BNC2: variants seen among roughly 807,000 people sequenced by gnomAD.
BNC2 encodes the protein basonuclin zinc finger protein 2.
Under a neutral mutation model 76.3 loss-of-function variants are expected in BNC2, and 20 were observed. The observed-to-expected ratio is 0.26, with a 90% CI of 0.18 to 0.38. BNC2 has a LOEUF of 0.38. BNC2 is among the 10% of genes least tolerant of loss of function. The pLI is 1.00. For synonymous variants in BNC2, 582 were observed against 514.8 expected (o/e 1.13, Z -1.77); for missense variants, 1,382 against 1,399.8 (o/e 0.99, Z 0.20).
chr9:16,870,560 C>T, intron 1 of BNC2, 86 bp downstream of exon 1: 1 of 1,516,224 alleles, frequency 6.6e-7, no homozygotes, highest in South Asian at 1.2e-5. Flanking sequence ...GACACGGCCC[C>T]CGGGCGGCCC....
chr9:16,498,073 T>G lies in BNC2; in HGVS notation c.669+54457A>C, dbSNP rs192752227. Among the ~76,000 whole-genome samples, 39 of 147,880 alleles carry G rather than the reference T, an allele frequency of 2.6e-4. No homozygotes were observed. The East Asian group carries it at 3.8e-3, about 14-fold the overall frequency. ...TATATATTCCATCATATATATATAT[T>G]CTATCATATATATATTCCATCATAT... On this transcript the variant is annotated intron_variant, in intron 5 of 6. Transcript: ENST00000380672.
chr9:16,624,719 A>T (rs1341313581), intron 3 of BNC2, among the ~76,000 whole-genome samples: 1 of 152,232 alleles, frequency 6.6e-6, no homozygotes, highest in Non-Finnish European at 1.5e-5. Flanking sequence ...TAAAAAGTTG[A>T]TCCAAATGGA....
intron 5 of BNC2, among the ~76,000 whole-genome samples, chr9:16,469,417 TC>T (rs1295815151): frequency 1.3e-5 from 2 of 152,234 alleles, no homozygotes; most frequent in Admixed American, 6.5e-5. Flanking sequence ...TTTTGCTTCT[TC>T]CTCATTTTTT....
chr9:16,845,610 AC>A (rs971678159), intron 1 of BNC2, among the ~76,000 whole-genome samples: 5 of 152,120 alleles, frequency 3.3e-5, no homozygotes, highest in African/African-American at 1.2e-4. Context: ...AGTCCCAGCT[AC>A]TTGGGAGGCC....
intron 5 of BNC2, among the ~76,000 whole-genome samples, chr9:16,454,251 C>A (rs1411075022): frequency 6.6e-6 from 1 of 152,100 alleles, no homozygotes; most frequent in Non-Finnish European, 1.5e-5. Flanking sequence ...CATCTTTCTA[C>A]CCCTAGAGCA....
intron 3 of BNC2, among the ~76,000 whole-genome samples, chr9:16,594,569 G>A (rs1156396779): frequency 6.6e-6 from 1 of 152,122 alleles, no homozygotes; most frequent in Admixed American, 6.6e-5. Context: ...GAGAAAAGTT[G>A]TTACGTTTTA....
intron 1 of BNC2, among the ~76,000 whole-genome samples, chr9:16,823,826 T>C (rs1818395293): frequency 6.6e-6 from 1 of 152,132 alleles, no homozygotes; most frequent in Non-Finnish European, 1.5e-5. Flanking sequence ...AATAAAAACA[T>C]TCACTGACTT....
chr9:16,832,355 G>A, intron 1 of BNC2: 2 of 1,242,956 alleles, frequency 1.6e-6, no homozygotes, highest in Non-Finnish European at 2.1e-6. Context: ...GGCAATCTGT[G>A]AAACAGAACA....
chr9:16,751,662 G>GTGTGTA (rs1563926963), intron 1 of BNC2, among the ~76,000 whole-genome samples: 1 of 83,178 alleles, frequency 1.2e-5, no homozygotes, highest in African/African-American at 2.9e-5. Context: ...ATATATATAT[G>GTGTGTA]TATGTATGTG....
At chr9:16,614,378 A>T (rs548299114) in intron 3 of BNC2, among the ~76,000 whole-genome samples, 33 of 152,172 alleles carry the variant, frequency 2.2e-4, no homozygotes, top group African/African-American at 7.7e-4. Flanking sequence ...CAACACATGT[A>T]TGCTTCAAAA....
intron 3 of BNC2, among the ~76,000 whole-genome samples, chr9:16,683,463 C>A (rs999236131): frequency 1.3e-5 from 2 of 152,174 alleles, no homozygotes; most frequent in Admixed American, 1.3e-4. Context: ...AGCAAAACCT[C>A]TAGTGATGAT....
chr9:16,625,615 TA>T (rs1447064298), intron 3 of BNC2: 5 of 152,138 alleles, frequency 3.3e-5, no homozygotes, highest in Non-Finnish European at 7.4e-5. Flanking sequence ...GCCGGCTTAT[TA>T]AACTTCATAC....
intron 4 of BNC2, among the ~76,000 whole-genome samples, chr9:16,567,399 A>T (rs145494443): frequency 6.6e-6 from 1 of 152,222 alleles, no homozygotes; most frequent in African/African-American, 2.4e-5. Flanking sequence ...TCAAATGTAT[A>T]AAATAGTGCT....
intron 5 of BNC2, among the ~76,000 whole-genome samples, chr9:16,521,977 C>T (rs1189522364): frequency 1.3e-5 from 2 of 152,216 alleles, no homozygotes; most frequent in African/African-American, 2.4e-5. Flanking sequence ...GGCACTCACT[C>T]ATTATATAAA....
At chr9:16,759,399 G>A (rs907623642) in intron 1 of BNC2, among the ~76,000 whole-genome samples, 1 of 152,094 alleles carries the variant, frequency 6.6e-6, no homozygotes, top group African/African-American at 2.4e-5. Flanking sequence ...GATTTCAGGA[G>A]GAGGAAAACC....
chr9:16,778,294 AAAGG>A (rs1455438077), intron 1 of BNC2, among the ~76,000 whole-genome samples: 2 of 152,344 alleles, frequency 1.3e-5, no homozygotes, highest in East Asian at 3.9e-4. Context: ...GCAGAGACCC[AAAGG>A]AGTGCTGCTG....
chr9:16,548,567 G>A (rs553731953), intron 5 of BNC2, among the ~76,000 whole-genome samples: 82 of 152,098 alleles, frequency 5.4e-4, no homozygotes, highest in African/African-American at 2.0e-3. Flanking sequence ...CACCATACCC[G>A]GCTAATTTTT....
rs549299568 is a variant in BNC2, at chr9:16,516,576, C to A, written c.669+35954G>T. The stretch of plus-strand genomic sequence containing the variant: ...AACTCAAAGAGTCTTTATTTCTATC[C>A]CAAAGCGGGTTCTTTCTAGTACACA... On this transcript the variant is annotated intron_variant, in intron 5 of 6. Coordinates refer to ENST00000380672, the MANE Select transcript of BNC2 (RefSeq NM_017637.6). Among the ~76,000 whole-genome samples the A allele has an allele frequency of 4.6e-5, 7 of 152,182 alleles. No homozygotes were observed. The East Asian group carries it at 1.4e-3, about 29-fold the overall frequency.
At chr9:16,686,705 C>T (rs1822988384) in intron 3 of BNC2, among the ~76,000 whole-genome samples, 1 of 152,134 alleles carries the variant, frequency 6.6e-6, no homozygotes, top group Non-Finnish European at 1.5e-5. Flanking sequence ...AGGTGCTTCC[C>T]TCTTTCTTTT....
Sources: allele counts gnomAD v4.1 joint callset (sites outside exome capture counted in the v4.1 genomes callset), GRCh38; gene constraint gnomAD v4.1.1; transcripts MANE v1.5; gene names NCBI Gene and HGNC (gene_info 2026-07-23, HGNC 2026-07-21).